Variants in SYN3 observed in about 807,000 individuals in gnomAD.
The protein encoded by SYN3 is synapsin-3.
A neutral mutation model predicts 65.8 loss-of-function variants in SYN3; 35 were observed. That is an observed-to-expected ratio of 0.53 (90% confidence interval 0.41 to 0.70). The LOEUF (loss-of-function observed/expected upper bound fraction) is 0.70, where lower values mean the gene tolerates loss of function less well. Ranked by LOEUF, SYN3 falls within the 30% of genes least tolerant of loss-of-function variation. The probability of loss-of-function intolerance (pLI) is 0.00; values close to 1 mark genes in which losing one functional copy is unlikely to be tolerated. For synonymous variants in SYN3, 270 were observed against 292.9 expected, an observed-to-expected ratio of 0.92 and a Z score of 0.80; for missense variants, 680 against 749.0, an observed-to-expected ratio of 0.91 and a Z score of 1.08.
intron 13 of SYN3, among the ~76,000 whole-genome samples, chr22:32,516,508 C>T (rs574882936): frequency 7.2e-5 from 11 of 152,158 alleles, no homozygotes; most frequent in Admixed American, 1.3e-4. Context: ...GGACTACAGG[C>T]GTGCACCAGC....
chr22:32,519,001 A>C (rs576017908), intron 12 of SYN3, among the ~76,000 whole-genome samples: 2 of 152,320 alleles, frequency 1.3e-5, no homozygotes. Context: ...CCAGGTACAG[A>C]AGAAAGGACA....
rs1052852672 is a variant in SYN3 at position 32,837,941 on chromosome 22, G to T, written c.711+26974C>A. On this transcript the variant is annotated intron_variant, in intron 6 of 13. Coordinates refer to ENST00000358763, the MANE Select transcript of SYN3 (RefSeq NM_003490.4). This position sits in a 1 kb window ranked among gnomAD's most constrained non-coding sequence, Gnocchi z 4.1. ...GCCTCTGCCCAACCATGACCAGAAGGTCCTCTCCTTTCTCTTTCTCTTAAC... is the reference window on the plus strand; with the variant it reads ...GCCTCTGCCCAACCATGACCAGAAGTTCCTCTCCTTTCTCTTTCTCTTAAC... Among the ~76,000 whole-genome samples, 2 of 152,178 alleles carry T rather than the reference G, an allele frequency of 1.3e-5. No homozygotes were observed. Among genetic ancestry groups the T allele is most frequent in the Non-Finnish European group, 1.5e-5 (1 of 68,030 alleles).
intron 4 of SYN3, among the ~76,000 whole-genome samples, chr22:32,907,631 A>C (rs964691166): frequency 3.3e-5 from 5 of 152,196 alleles, no homozygotes; most frequent in African/African-American, 1.2e-4. Flanking sequence ...ATTTTTTAAA[A>C]AATATCAAAT....
chr22:33,041,124 G>A (rs1399845581), intron 1 of SYN3, among the ~76,000 whole-genome samples: 1 of 151,450 alleles, frequency 6.6e-6, no homozygotes, highest in African/African-American at 2.4e-5. Context: ...TCACCATGTT[G>A]GCCAGGATGG....
At chr22:32,789,534 A>G (rs976773465) in intron 6 of SYN3, among the ~76,000 whole-genome samples, 1 of 152,170 alleles carries the variant, frequency 6.6e-6, no homozygotes, top group African/African-American at 2.4e-5. Flanking sequence ...TGACTTTACT[A>G]TGGGGTACTC....
At chr22:32,790,273 T>C (rs1806996112) in intron 6 of SYN3, among the ~76,000 whole-genome samples, 1 of 152,142 alleles carries the variant, frequency 6.6e-6, no homozygotes, top group Non-Finnish European at 1.5e-5. Flanking sequence ...ATTTCCACCA[T>C]ACAGAAACAA....
intron 6 of SYN3, among the ~76,000 whole-genome samples, chr22:32,727,145 C>T (rs990297595): frequency 6.6e-6 from 1 of 152,142 alleles, no homozygotes; most frequent in Non-Finnish European, 1.5e-5. Flanking sequence ...CCTCCCACCT[C>T]CACCCTCCTG....
At chr22:32,873,539 A>T (rs1368990792) in intron 4 of SYN3, among the ~76,000 whole-genome samples, 2 of 151,796 alleles carry the variant, frequency 1.3e-5, no homozygotes, top group Non-Finnish European at 2.9e-5. Context: ...TGTACCCAGA[A>T]CTCCTCCTTT....
chr22:32,881,152 C>CT (rs2049123133), intron 4 of SYN3, among the ~76,000 whole-genome samples: 1 of 152,194 alleles, frequency 6.6e-6, no homozygotes, highest in African/African-American at 2.4e-5. Context: ...GATAAGGCAG[C>CT]TGATGAGAGA....
intron 6 of SYN3, among the ~76,000 whole-genome samples, chr22:32,804,519 A>G (rs2046673808): frequency 6.6e-6 from 1 of 152,104 alleles, no homozygotes; most frequent in African/African-American, 2.4e-5. Flanking sequence ...TAAAACCATC[A>G]TGGTGGTTTT....
intron 6 of SYN3, among the ~76,000 whole-genome samples, chr22:32,751,570 T>C (rs1469626998): frequency 6.6e-6 from 1 of 152,178 alleles, no homozygotes; most frequent in South Asian, 2.1e-4. Flanking sequence ...CCGGCAGAAC[T>C]GGCCTATAGG....
chr22:32,801,934 CGCCG>C lies in SYN3; in HGVS notation c.711+62977_711+62980del, dbSNP rs2046594107. 6.6e-7 allele frequency: 1 copy of C among 1,516,560 alleles called. No individual in the cohort carries two copies. The highest frequency in any genetic ancestry group is 2.6e-5 in the East Asian group (1 of 38,736). 93.9% of individuals were successfully genotyped at this position (1,516,560 alleles called of 1,614,324 possible). A position where few individuals can be genotyped will look rare whatever the true frequency, so the allele number is the denominator to read the frequency against. Reference sequence around the variant, plus strand: ...GAGCGAGCTCGGGCTGCAGCAGCCCCGCCGGCGGCGCGCACGGCAACTTTGGAGA... The same window carrying C: ...GAGCGAGCTCGGGCTGCAGCAGCCCCGCGGCGCGCACGGCAACTTTGGAGA... On this transcript the variant is annotated intron_variant, in intron 6 of 13. Coordinates refer to ENST00000358763, the MANE Select transcript of SYN3 (RefSeq NM_003490.4). This position sits in a 1 kb window ranked among gnomAD's most constrained non-coding sequence, Gnocchi z 4.7.
chr22:33,002,641 C>T (rs551695276), intron 2 of SYN3, among the ~76,000 whole-genome samples: 1 of 151,852 alleles, frequency 6.6e-6, no homozygotes, highest in East Asian at 1.9e-4. Context: ...AAGACTCCAT[C>T]TCAAAAAAAC....
rs182026314 is a variant in SYN3, at chr22:32,966,331, T to C, written c.369+14314A>G. 2.0e-4 allele frequency among the ~76,000 whole-genome samples: 31 copies of C among 152,118 alleles called. No homozygotes were observed. The East Asian group carries it at 5.6e-3, about 28-fold the overall frequency. On this transcript the variant is annotated intron_variant, in intron 3 of 13. Coordinates refer to ENST00000358763, the MANE Select transcript of SYN3 (RefSeq NM_003490.4). Reference sequence around the variant, plus strand: ...GATGTCCCAGGAGGAGAGACGTGCATAAGCAAAGGCATGGAGATGTGACTC... The same window carrying C: ...GATGTCCCAGGAGGAGAGACGTGCACAAGCAAAGGCATGGAGATGTGACTC...
At chr22:32,860,477 C>A (rs2048504078) in intron 6 of SYN3, 1 of 152,580 alleles carries the variant, frequency 6.6e-6, no homozygotes, top group Admixed American at 6.5e-5. Flanking sequence ...AGTTTAATCT[C>A]TTCTATTTTG....
intron 3 of SYN3, among the ~76,000 whole-genome samples, chr22:32,955,887 T>A (rs2051438824): frequency 6.6e-6 from 1 of 151,940 alleles, no homozygotes; most frequent in Admixed American, 6.6e-5. Flanking sequence ...TCAGCCTACA[T>A]CTTTTTCTCC....
At chr22:32,587,244 G>A (rs1354425728) in intron 7 of SYN3, among the ~76,000 whole-genome samples, 2 of 121,568 alleles carry the variant, frequency 1.6e-5, no homozygotes, top group African/African-American at 3.2e-5. Flanking sequence ...AAAAAAAAAA[G>A]AGAGAGAGAA....
intron 7 of SYN3, among the ~76,000 whole-genome samples, chr22:32,582,484 G>A (rs2058963283): frequency 6.6e-6 from 1 of 151,596 alleles, no homozygotes; most frequent in African/African-American, 2.4e-5. Flanking sequence ...CAAGTAGCTG[G>A]GACCACAGGC....
chr22:33,052,333 G>A (rs1322981628), intron 1 of SYN3, among the ~76,000 whole-genome samples: 1 of 152,102 alleles, frequency 6.6e-6, no homozygotes, highest in Non-Finnish European at 1.5e-5. Context: ...GTGGCAAGGA[G>A]AGACTGCAGT....
Sources: gnomAD v4.1 joint callset for allele counts (sites outside exome capture counted in the v4.1 genomes callset) on GRCh38, gnomAD v4.1.1 for gene constraint, Gnocchi (gnomAD v3.1) non-coding constraint, MANE v1.5 for transcripts, NCBI Gene and HGNC (gene_info 2026-07-23, HGNC 2026-07-21) for gene names.